The following ATG7 variants were observed in gnomAD, a reference collection of about 807,000 sequenced individuals.
ATG7 encodes the protein ubiquitin-like modifier-activating enzyme ATG7.
ATG7 carries 70 observed loss-of-function variants against 82.4 expected under a neutral mutation model. The ratio of observed to expected loss-of-function variants is 0.85; its 90% confidence interval spans 0.70 to 1.04. ATG7 has a LOEUF of 1.04. Ranked by LOEUF, ATG7 falls within the 50% of genes least tolerant of loss-of-function variation. ATG7 has a pLI of 0.00. For synonymous variants in ATG7, 287 were observed against 313.0 expected, an observed-to-expected ratio of 0.92 and a Z score of 0.88; for missense variants, 792 against 864.3, an observed-to-expected ratio of 0.92 and a Z score of 1.05.
intron 3 of ATG7, among the ~76,000 whole-genome samples, chr3:11,294,462 G>A (rs1945522114): frequency 6.6e-6 from 1 of 151,924 alleles, no homozygotes; most frequent in South Asian, 2.1e-4. Context: ...AACCTCAGGC[G>A]ATCCCCCGCT....
At chr3:11,547,368 C>T (rs1409813405) in intron 20 of ATG7, among the ~76,000 whole-genome samples, 2 of 152,324 alleles carry the variant, frequency 1.3e-5, no homozygotes, top group East Asian at 1.9e-4. Flanking sequence ...CCTGTGTGGA[C>T]AGACCACGTT....
intron 20 of ATG7, among the ~76,000 whole-genome samples, chr3:11,490,176 A>C (rs572816241): frequency 6.6e-6 from 1 of 152,138 alleles, no homozygotes; most frequent in Non-Finnish European, 1.5e-5. Context: ...TTGGGTGCAT[A>C]TATATTTACG....
At chr3:11,575,851 C>A in the ATG7 span, among the ~76,000 whole-genome samples, 1 of 152,204 alleles carries the variant, frequency 6.6e-6, no homozygotes, top group Non-Finnish European at 1.5e-5. Context: ...CATTCAGAGA[C>A]CCTCTTTGCT....
chr3:11,393,100 T>TCCAGAC (rs907808279), intron 19 of ATG7, among the ~76,000 whole-genome samples: 3 of 152,290 alleles, frequency 2.0e-5, no homozygotes, highest in Non-Finnish European at 4.4e-5. Flanking sequence ...CTGTTAAGTG[T>TCCAGAC]CCAGACCCAG....
chr3:11,399,101 A>C (rs570992966), intron 19 of ATG7, among the ~76,000 whole-genome samples: 1 of 152,302 alleles, frequency 6.6e-6, no homozygotes, highest in South Asian at 2.1e-4. Flanking sequence ...TAATCCCAGC[A>C]CTTGGGGAGG....
At chr3:11,371,020 A>G (rs191322240) in intron 18 of ATG7, among the ~76,000 whole-genome samples, 8 of 150,996 alleles carry the variant, frequency 5.3e-5, no homozygotes, top group Admixed American at 1.3e-4. Flanking sequence ...TGAGCCTCCT[A>G]TGTTCCTATT....
chr3:11,525,715 T>G (rs1234631388), intron 20 of ATG7, among the ~76,000 whole-genome samples: 1 of 151,866 alleles, frequency 6.6e-6, no homozygotes, highest in Non-Finnish European at 1.5e-5. Context: ...CCACCACACC[T>G]GGCTAATTTT....
chr3:11,479,955 T>C (rs1439068953), intron 20 of ATG7, among the ~76,000 whole-genome samples: 4 of 148,890 alleles, frequency 2.7e-5, no homozygotes, highest in African/African-American at 1.0e-4. Context: ...TGAGATGGAG[T>C]CTCCCTCTGT....
intron 19 of ATG7, among the ~76,000 whole-genome samples, chr3:11,409,399 A>G (rs34843621): frequency 0.21 from 32,326 of 152,190 alleles, 3,878 homozygotes; most frequent in South Asian, 0.35. Context: ...CTAGTACTCT[A>G]TGTTGCACTG....
At chr3:11,505,525 G>A (rs961899364) in intron 20 of ATG7, among the ~76,000 whole-genome samples, 1 of 152,104 alleles carries the variant, frequency 6.6e-6, no homozygotes, top group African/African-American at 2.4e-5. Context: ...GAAAATGAGA[G>A]GTCACTGAAA....
intron 20 of ATG7, among the ~76,000 whole-genome samples, chr3:11,451,859 A>G (rs1443777931): frequency 1.3e-5 from 2 of 150,034 alleles, no homozygotes; most frequent in Non-Finnish European, 3.0e-5. Flanking sequence ...ATATATATAT[A>G]CGCCTTTACA....
chr3:11,383,747 C>T (rs529688261), intron 19 of ATG7, among the ~76,000 whole-genome samples: 18 of 152,282 alleles, frequency 1.2e-4, no homozygotes, highest in Admixed American at 1.1e-3. Flanking sequence ...CGCATCCAGC[C>T]GTATCCTGGA....
chr3:11,386,525 C>T (rs1374422149), intron 19 of ATG7, among the ~76,000 whole-genome samples: 1 of 152,178 alleles, frequency 6.6e-6, no homozygotes, highest in East Asian at 1.9e-4. Flanking sequence ...TTTACAAGGA[C>T]TGGCCAGAGC....
intron 20 of ATG7, among the ~76,000 whole-genome samples, chr3:11,451,174 G>A (rs527544721): frequency 6.6e-6 from 1 of 150,818 alleles, no homozygotes; most frequent in East Asian, 2.0e-4. Flanking sequence ...AGGACAGGCT[G>A]GAACAAGAAC....
In ATG7 at chr3:11,518,995, T is replaced by TTA. The variant is rs535643651; in HGVS notation, c.2080-35811_2080-35810dup. ...TTCATCAAGATTTAAAAAAAAAATC[T>TTA]TATATAAGTAAATATAGAGTCCAGT... On this transcript the variant is annotated intron_variant, in intron 20 of 20. Coordinates refer to ENST00000693202, the MANE Select transcript of ATG7 (RefSeq NM_001349232.2). 2.6e-4 allele frequency among the ~76,000 whole-genome samples: 39 copies of TTA among 152,296 alleles called. No individual in the cohort carries two copies. In the East Asian group the frequency reaches 6.4e-3, roughly 25 times the overall value.
In ATG7 at chr3:11,413,592, ATAAATGAAT is replaced by A. The variant is rs950399885; in HGVS notation, c.1957-13210_1957-13202del. 2.1e-5 allele frequency among the ~76,000 whole-genome samples: 3 copies of A among 143,500 alleles called. No individual in the cohort carries two copies. The Admixed American group carries it at 2.3e-4, about 11-fold the overall frequency. The allele number at this position is 143,500 out of a possible 152,430, so 94.1% of individuals were successfully genotyped here. On this transcript the variant is annotated intron_variant, in intron 19 of 20. Coordinates refer to ENST00000693202, the MANE Select transcript of ATG7 (RefSeq NM_001349232.2). ...AGATGTCACACAAAAAACTGACTTA[ATAAATGAAT>A]TCAGCAAAGTAGCAGAATGCAAAGT...
intron 19 of ATG7, 23 bp downstream of exon 19, chr3:11,380,075 GACTTGTTTTTA>G: frequency 6.2e-7 from 1 of 1,608,828 alleles, no homozygotes; most frequent in South Asian, 1.1e-5. Context: ...GTATTGGAGG[GACTTGTTTTTA>G]AAAGTGAGCG....
rs368506515 is a variant in ATG7, at chr3:11,378,685, CAAAAAAAAA to C, written c.1876-1271_1876-1263del. Among the ~76,000 whole-genome samples the C allele has an allele frequency of 2.2e-4, 17 of 78,936 alleles. No individual in the cohort carries two copies. In the East Asian group the frequency reaches 5.6e-3, roughly 26 times the overall value. 51.8% of individuals were successfully genotyped at this position (78,936 alleles called of 152,430 possible). ...GGGCGACAGAGTGAGACTCCATCTC[CAAAAAAAAA>C]AAAAAAAAAAAAAAATTGCTGTAGG... On this transcript the variant is annotated intron_variant, in intron 18 of 20. Coordinates refer to ENST00000693202, the MANE Select transcript of ATG7 (RefSeq NM_001349232.2).
intron 20 of ATG7, among the ~76,000 whole-genome samples, chr3:11,553,725 G>A (rs749141310): frequency 1.3e-5 from 2 of 152,156 alleles, no homozygotes; most frequent in Non-Finnish European, 2.9e-5. Flanking sequence ...CGGGAGACAG[G>A]GGCAGTGAGA....
Sources: allele counts gnomAD v4.1 joint callset (sites outside exome capture counted in the v4.1 genomes callset), GRCh38; gene constraint gnomAD v4.1.1; transcripts MANE v1.5; gene names NCBI Gene and HGNC (gene_info 2026-07-23, HGNC 2026-07-21).